NTAQ1: variants seen among roughly 807,000 people sequenced by gnomAD.
NTAQ1 encodes protein N-terminal glutamine amidohydrolase.
In NTAQ1, 21 loss-of-function variants were observed where a neutral mutation model predicts 28.2. That is an observed-to-expected ratio of 0.74 (90% CI 0.53 to 1.07). The LOEUF is 1.07. Among genes scored for constraint, NTAQ1 ranks in the 50% least tolerant of loss-of-function variants. The pLI, the probability that NTAQ1 is intolerant of heterozygous loss-of-function variation, is 0.00. For missense variants in NTAQ1, 264 were observed against 256.6 expected, an observed-to-expected ratio of 1.03 and a Z score of -0.20; for synonymous variants, 105 against 90.0, an observed-to-expected ratio of 1.17 and a Z score of -0.94.
intron 1 of NTAQ1, among the ~76,000 whole-genome samples, chr8:123,423,127 T>G (rs976365881): frequency 1.3e-5 from 2 of 152,150 alleles, no homozygotes; most frequent in African/African-American, 4.8e-5. Flanking sequence ...TTTGGCTGTT[T>G]GGGCTCTTTT....
At chr8:123,463,491 T>G (rs1029293573) in intron 6 of NTAQ1, among the ~76,000 whole-genome samples, 1 of 152,234 alleles carries the variant, frequency 6.6e-6, no homozygotes, top group African/African-American at 2.4e-5. Context: ...TCTCTTTGAT[T>G]GATATTGTTT....
chr8:123,453,069 A>T (rs1393038399), downstream of NTAQ1, among the ~76,000 whole-genome samples: 3 of 152,184 alleles, frequency 2.0e-5, no homozygotes, highest in South Asian at 4.1e-4. Context: ...GTGGGGCAAG[A>T]TGTTAATACA....
At chr8:123,444,291 C>G (rs1815189385), downstream of NTAQ1, among the ~76,000 whole-genome samples, 1 of 152,108 alleles carries the variant, frequency 6.6e-6, no homozygotes, top group African/African-American at 2.4e-5. Context: ...CTTCCACCTC[C>G]CAGATTTAAG....
chr8:123,416,813 C>G lies in NTAQ1; in HGVS notation c.-37C>G. On this transcript the variant is annotated 5_prime_UTR_variant, in exon 1 of 6. Transcript: ENST00000287387. ...CTTTCCTACGTCTGGTCCAGTCGGT[C>G]TTCCTCCGGCCCGGGCCCTGGCCCA... 6.6e-7 allele frequency: 1 copy of G among 1,516,700 alleles called. No individual in the cohort carries two copies. Among genetic ancestry groups the G allele is most frequent in the Non-Finnish European group, 8.8e-7 (1 of 1,132,860 alleles). 94.0% of individuals were successfully genotyped at this position (1,516,700 alleles called of 1,614,324 possible).
At chr8:123,429,126 A>G (rs1309785372) in intron 2 of NTAQ1, among the ~76,000 whole-genome samples, 1 of 152,174 alleles carries the variant, frequency 6.6e-6, no homozygotes, top group Non-Finnish European at 1.5e-5. Flanking sequence ...TGAAGCAGGC[A>G]ATATTTGGAC....
chr8:123,439,544 T>TA (rs1477413837), intron 5 of NTAQ1, among the ~76,000 whole-genome samples: 1 of 151,830 alleles, frequency 6.6e-6, no homozygotes, highest in Admixed American at 6.6e-5. Flanking sequence ...GATGGGGTCT[T>TA]ACCGTGTTAG....
At chr8:123,465,613 G>A (rs186133680) in intron 6 of NTAQ1, among the ~76,000 whole-genome samples, 57 of 98,754 alleles carry the variant, frequency 5.8e-4, no homozygotes, top group Middle Eastern at 0.014. Context: ...ACAGAGTCTT[G>A]CTCTGTCACT....
chr8:123,453,505 T>G (rs1198705450), intron 6 of NTAQ1, among the ~76,000 whole-genome samples: 1 of 151,750 alleles, frequency 6.6e-6, no homozygotes, highest in Non-Finnish European at 1.5e-5. Flanking sequence ...CTCAGCTCAC[T>G]GCAACCTCTG....
intron 1 of NTAQ1, among the ~76,000 whole-genome samples, chr8:123,422,383 C>T (rs1352146653): frequency 6.6e-6 from 1 of 151,622 alleles, no homozygotes; most frequent in Admixed American, 6.6e-5. Flanking sequence ...TCAAGTAATC[C>T]TCTCACGTCA....
chr8:123,419,329 C>T (rs1449796078), intron 1 of NTAQ1, among the ~76,000 whole-genome samples: 3 of 152,052 alleles, frequency 2.0e-5, no homozygotes, highest in African/African-American at 4.8e-5. Flanking sequence ...GAACTCCTGA[C>T]CTCAGGTGAT....
rs185085626 is a variant in NTAQ1, at chr8:123,438,927, A to G, written c.508+1593A>G. Reference sequence around the variant, plus strand: ...GCTCGAGGGGTCTGCCTTAGCATCTATGGCAACCTGCTCTACAGGGCCTGG... The same window carrying G: ...GCTCGAGGGGTCTGCCTTAGCATCTGTGGCAACCTGCTCTACAGGGCCTGG... On this transcript the variant is annotated intron_variant, in intron 5 of 5. Coordinates refer to ENST00000287387, the MANE Select transcript of NTAQ1 (RefSeq NM_018024.3). 6.9e-3 allele frequency among the ~76,000 whole-genome samples: 1,055 copies of G among 152,254 alleles called. 7 individuals are homozygous for G. Among genetic ancestry groups the G allele is most frequent in the Non-Finnish European group, 9.4e-3 (641 of 68,010 alleles).
At chr8:123,424,779 A>C (rs1335993821) in intron 1 of NTAQ1, among the ~76,000 whole-genome samples, 1 of 152,042 alleles carries the variant, frequency 6.6e-6, no homozygotes, top group Non-Finnish European at 1.5e-5. Flanking sequence ...CTCTTCCCAT[A>C]TCCCTCCGAA....
chr8:123,441,376 A>C lies in NTAQ1; in HGVS notation c.579A>C (p.Leu193=). 1.2e-6 allele frequency: 2 copies of C among 1,611,772 alleles called. No homozygotes were observed. Among genetic ancestry groups the C allele is most frequent in the Non-Finnish European group, 1.7e-6 (2 of 1,178,752 alleles). ...PKVGWGAVYT[L]SEFTHRFGSK... ...TAGGATGGGGCGCCGTCTACACACT[A>C]TCCGAATTTACACATCGGTTTGGCA... Residue 193 remains leucine, a synonymous_variant, in exon 6 of 6, where the codon CTA becomes CTC. Coordinates refer to ENST00000287387, the MANE Select transcript of NTAQ1 (RefSeq NM_018024.3).
intron 1 of NTAQ1, among the ~76,000 whole-genome samples, chr8:123,426,974 TA>T (rs1260434753): frequency 6.6e-6 from 1 of 151,620 alleles, no homozygotes; most frequent in South Asian, 2.1e-4. Flanking sequence ...AATAAATAAA[TA>T]AAAAAAATAA....
intron 1 of NTAQ1, among the ~76,000 whole-genome samples, chr8:123,422,252 A>G (rs1411969449): frequency 6.7e-6 from 1 of 149,236 alleles, no homozygotes; most frequent in Admixed American, 6.7e-5. Flanking sequence ...ATTTTCTTGC[A>G]TTCTGTAGGT....
rs34477091 is a variant in NTAQ1, at chr8:123,441,379, C to G, written c.582C>G (p.Ser194=). 1 of 1,611,340 alleles carries G rather than the reference C, an allele frequency of 6.2e-7. No individual in the cohort carries two copies. Among genetic ancestry groups the G allele is most frequent in the South Asian group, 1.1e-5 (1 of 90,646 alleles). Residue 194 remains serine (S), a synonymous_variant, in exon 6 of 6, where the codon TCC becomes TCG. Transcript: ENST00000287387. Reference sequence around the variant, plus strand: ...GATGGGGCGCCGTCTACACACTATCCGAATTTACACATCGGTTTGGCAGTA... The same window carrying G: ...GATGGGGCGCCGTCTACACACTATCGGAATTTACACATCGGTTTGGCAGTA... ...KVGWGAVYTL[S]EFTHRFGSKN...
chr8:123,445,406 A>G (rs751095615), downstream of NTAQ1, among the ~76,000 whole-genome samples: 34 of 152,154 alleles, frequency 2.2e-4, no homozygotes, highest in South Asian at 1.2e-3. Context: ...GTACATATTG[A>G]TTGGAAAATC....
chr8:123,439,095 T>C (rs958404177), intron 5 of NTAQ1, among the ~76,000 whole-genome samples: 2 of 152,158 alleles, frequency 1.3e-5, no homozygotes, highest in African/African-American at 4.8e-5. Flanking sequence ...TTTTGATGAC[T>C]ACTAGTCATT....
At chr8:123,446,744 C>G (rs1451545896), downstream of NTAQ1, among the ~76,000 whole-genome samples, 1 of 152,184 alleles carries the variant, frequency 6.6e-6, no homozygotes, top group Non-Finnish European at 1.5e-5. Context: ...CAGCCCTGAT[C>G]TTGGACTTAC....
Sources: allele counts gnomAD v4.1 joint callset (sites outside exome capture counted in the v4.1 genomes callset), GRCh38; gene constraint gnomAD v4.1.1; transcripts MANE v1.5; gene names NCBI Gene and HGNC (gene_info 2026-07-23, HGNC 2026-07-21).